PCLO: variants seen among roughly 807,000 people sequenced by gnomAD.
The protein encoded by PCLO is protein piccolo.
In PCLO, 82 loss-of-function variants were observed where a neutral mutation model predicts 427.5. That is an observed-to-expected ratio of 0.19 (90% CI 0.16 to 0.23). The LOEUF is 0.23. Among genes scored for constraint, PCLO ranks in the 10% least tolerant of loss-of-function variants. The probability of loss-of-function intolerance (pLI) is 1.00; values close to 1 mark genes in which losing one functional copy is unlikely to be tolerated. For missense variants in PCLO, 6,239 were observed against 6,115.9 expected, an observed-to-expected ratio of 1.02 and a Z score of -0.67; for synonymous variants, 2,357 against 2,155.4, an observed-to-expected ratio of 1.09 and a Z score of -2.59.
At chr7:82,935,420 T>C (rs1337118593) in intron 6 of PCLO, among the ~76,000 whole-genome samples, 1 of 151,280 alleles carries the variant, frequency 6.6e-6, no homozygotes, top group Non-Finnish European at 1.5e-5. Flanking sequence ...TGCTTGGATA[T>C]AGGAAACATC....
At chr7:83,082,786 C>T (rs1189817047) in intron 3 of PCLO, among the ~76,000 whole-genome samples, 2 of 151,084 alleles carry the variant, frequency 1.3e-5, no homozygotes, top group South Asian at 4.2e-4. Flanking sequence ...ATTATGTACT[C>T]ATGATTAAAA....
At chr7:83,113,397 G>A (rs59005755) in intron 3 of PCLO, among the ~76,000 whole-genome samples, 1,591 of 152,226 alleles carry the variant, frequency 0.01, 29 homozygotes, top group African/African-American at 0.035. Flanking sequence ...AGCTGTAGAT[G>A]TATTCTACCT....
chr7:83,011,791 G>A (rs1248413525), intron 3 of PCLO, among the ~76,000 whole-genome samples: 1 of 151,526 alleles, frequency 6.6e-6, no homozygotes, highest in Middle Eastern at 3.2e-3. Flanking sequence ...AAGCAACACT[G>A]GTTGATATGC....
chr7:83,105,010 G>T (rs1474642224), intron 3 of PCLO, among the ~76,000 whole-genome samples: 1 of 152,084 alleles, frequency 6.6e-6, no homozygotes, highest in African/African-American at 2.4e-5. Context: ...TCCTACTATA[G>T]CACAAATCTT....
Position 83,162,690 on chromosome 7 carries a change from C to T in PCLO, c.-98G>A, listed in dbSNP as rs62622792. ...GAGCAGTCAGAGCCGGGGTCCGCCT[C>T]GGGGCGTGCAGGCAGCCGAGTCCCT... On this transcript the variant is annotated 5_prime_UTR_variant, in exon 1 of 25. Coordinates refer to ENST00000333891, the MANE Select transcript of PCLO (RefSeq NM_033026.6). The T allele has an allele frequency of 0.026, 36,332 of 1,420,828 alleles. 561 individuals carry two copies. The highest frequency in any genetic ancestry group is 0.03 in the Non-Finnish European group (32,391 of 1,083,564). The allele number at this position is 1,420,828 out of a possible 1,614,324, so 88.0% of individuals were successfully genotyped here.
intron 21 of PCLO, among the ~76,000 whole-genome samples, chr7:82,804,112 T>A (rs1478672399): frequency 6.6e-6 from 1 of 152,158 alleles, no homozygotes; most frequent in East Asian, 1.9e-4. Context: ...TAAATTCACA[T>A]GACATTTACA....
chr7:83,020,375 C>T (rs897710739), intron 3 of PCLO, among the ~76,000 whole-genome samples: 1 of 149,424 alleles, frequency 6.7e-6, no homozygotes, highest in Non-Finnish European at 1.5e-5. Flanking sequence ...AGTGTGGAAA[C>T]TTAATCCCTA....
chr7:82,879,588 T>C, intron 9 of PCLO, 126 bp from the exon 10 acceptor site: 1 of 656,982 alleles, frequency 1.5e-6, no homozygotes, highest in Non-Finnish European at 2.6e-6. Flanking sequence ...ATATTGGAAA[T>C]GAACACCAAA....
intron 10 of PCLO, among the ~76,000 whole-genome samples, 187 bp downstream of exon 10, chr7:82,879,150 T>G (rs1014236245): frequency 1.3e-5 from 2 of 152,130 alleles, no homozygotes; most frequent in African/African-American, 2.4e-5. Context: ...GACAATGCAA[T>G]TGAAAATAAA....
intron 9 of PCLO, among the ~76,000 whole-genome samples, chr7:82,895,085 A>G (rs889913424): frequency 5.9e-5 from 9 of 152,098 alleles, no homozygotes; most frequent in Non-Finnish European, 1.0e-4. Context: ...TTATCAACAA[A>G]GCTTTGCAAA....
At chr7:82,822,283 C>T in intron 20 of PCLO, 1 of 1,401,818 alleles carries the variant, frequency 7.1e-7, no homozygotes. Context: ...GGAGAAACAG[C>T]CAGTTTTATT....
At chr7:82,889,663 AT>A (rs1157232038) in intron 9 of PCLO, among the ~76,000 whole-genome samples, 2 of 152,060 alleles carry the variant, frequency 1.3e-5, no homozygotes, top group African/African-American at 4.8e-5. Flanking sequence ...TTAAGGCAGC[AT>A]TTTTTTCATT....
intron 3 of PCLO, among the ~76,000 whole-genome samples, chr7:83,109,882 T>C (rs988347751): frequency 2.0e-5 from 3 of 151,990 alleles, no homozygotes; most frequent in African/African-American, 7.2e-5. Flanking sequence ...TTTCATAACA[T>C]TACATCAAAT....
chr7:82,919,856 T>G (rs58852992), intron 6 of PCLO, among the ~76,000 whole-genome samples: 1,543 of 152,102 alleles, frequency 0.01, 28 homozygotes, highest in African/African-American at 0.036. Context: ...TAGACAGATA[T>G]TTATTAAATG....
At chr7:82,901,055 A>G (rs868127786) in intron 9 of PCLO, among the ~76,000 whole-genome samples, 16 of 151,878 alleles carry the variant, frequency 1.1e-4, no homozygotes, top group South Asian at 2.1e-4. Context: ...AGAATGTCTT[A>G]TATTCCTACA....
Position 82,955,844 on chromosome 7 carries a change from G to C in PCLO, c.5109C>G (p.Ser1703Arg). 1 of 1,613,874 alleles carries C rather than the reference G, an allele frequency of 6.2e-7. No individual in the cohort carries two copies. The highest frequency in any genetic ancestry group is 8.5e-7 in the Non-Finnish European group (1 of 1,179,840). The change falls in exon 5 of 25, where the codon AGC (serine) becomes AGG (arginine). Residue 1703 changes from serine to arginine, a missense_variant. By Grantham distance (110) the Ser-to-Arg change is moderately radical. Coordinates refer to ENST00000333891, the MANE Select transcript of PCLO (RefSeq NM_033026.6). ...FDEEPELEME[S>R]LTDSPEDRSR... ...ACCTATCTTCAGGTGAGTCTGTCAG[G>C]CTTTCCATTTCCAATTCTGGCTCTT...
chr7:83,072,554 T>C (rs1229153887), intron 3 of PCLO, among the ~76,000 whole-genome samples: 1 of 152,090 alleles, frequency 6.6e-6, no homozygotes, highest in Non-Finnish European at 1.5e-5. Flanking sequence ...AGAAAAGAGA[T>C]AATGATTCCA....
chr7:83,069,637 A>T (rs1402932866), intron 3 of PCLO, among the ~76,000 whole-genome samples: 1 of 152,172 alleles, frequency 6.6e-6, no homozygotes, highest in Non-Finnish European at 1.5e-5. Context: ...GCAGAGAAAG[A>T]TAATGAATGT....
rs1795527990 is a variant in PCLO at position 82,956,582 on chromosome 7, T to A, written c.4371A>T (p.Glu1457Asp). The change falls in exon 5 of 25, where the codon GAA (glutamate) becomes GAT (aspartate). Residue 1457 changes from glutamate to aspartate, a missense_variant. This residue lies in a region of PCLO where 4,677 missense variants were observed against 4,468.4 expected (regional missense o/e 1.05). Transcript: ENST00000333891. ...CTTCTGAAATAGTAATTTCCAAGGT[T>A]TCAGATAAACTCTGAGTTTTCTCTT... ...KDQEKTQSLS[E>D]TLEITISEEE... The A allele has an allele frequency of 6.2e-7, 1 of 1,613,244 alleles. No individual in the cohort carries two copies.
Sources: allele counts gnomAD v4.1 joint callset (sites outside exome capture counted in the v4.1 genomes callset), GRCh38; gene constraint gnomAD v4.1.1; regional missense constraint gnomAD v4.1.1; transcripts MANE v1.5; gene names NCBI Gene and HGNC (gene_info 2026-07-23, HGNC 2026-07-21).